Variants in ERC1 observed in about 807,000 individuals in gnomAD.
ERC1 encodes ELKS/RAB6-interacting/CAST family member 1.
Under a neutral mutation model 132.0 loss-of-function variants are expected in ERC1, and 56 were observed. That is an observed-to-expected ratio of 0.42 (90% confidence interval 0.34 to 0.53). The LOEUF (loss-of-function observed/expected upper bound fraction) is 0.53, where lower values mean the gene tolerates loss of function less well. Ranked by LOEUF, ERC1 falls within the 20% of genes least tolerant of loss-of-function variation. The pLI is 0.03. For synonymous variants in ERC1, 478 were observed against 476.1 expected, an observed-to-expected ratio of 1.00 and a Z score of -0.05; for missense variants, 1,202 against 1,349.9, an observed-to-expected ratio of 0.89 and a Z score of 1.72.
At chr12:1,250,599 A>G (rs1344715480) in intron 13 of ERC1, among the ~76,000 whole-genome samples, 1 of 152,202 alleles carries the variant, frequency 6.6e-6, no homozygotes, top group Non-Finnish European at 1.5e-5. Flanking sequence ...ATGATATTCC[A>G]TTCAGCATCC....
intron 15 of ERC1, among the ~76,000 whole-genome samples, chr12:1,311,187 A>G (rs1224560946): frequency 6.6e-6 from 1 of 152,248 alleles, no homozygotes; most frequent in Non-Finnish European, 1.5e-5. Context: ...CAGATACACC[A>G]GGGTTTGAAT....
rs533719801 is a variant in ERC1 at position 1,165,951 on chromosome 12, C to A, written c.1738-14589C>A. ...ACTCACACCTGCTGGCAATTACAAC[C>A]CCTCATCCTCTGACAACCAGTAACC... On this transcript the variant is annotated intron_variant, in intron 8 of 18. Transcript: ENST00000360905. Among the ~76,000 whole-genome samples the A allele has an allele frequency of 6.3e-4, 96 of 152,260 alleles. 1 individual carries two copies. The highest frequency in any genetic ancestry group is 2.1e-3 in the African/African-American group (89 of 41,560).
At chr12:1,037,906 T>G (rs1302124828) in intron 2 of ERC1, among the ~76,000 whole-genome samples, 1 of 151,800 alleles carries the variant, frequency 6.6e-6, no homozygotes, top group Admixed American at 6.6e-5. Context: ...TAGCTGGGCT[T>G]GGTGGCGGGC....
At chr12:1,339,855 G>T (rs1256176927) in intron 15 of ERC1, among the ~76,000 whole-genome samples, 2 of 152,162 alleles carry the variant, frequency 1.3e-5, no homozygotes, top group Admixed American at 1.3e-4. Flanking sequence ...CAAGGGCAGG[G>T]CTGGCTGGTT....
chr12:1,431,164 C>G (rs944901399), intron 17 of ERC1, among the ~76,000 whole-genome samples: 4 of 152,178 alleles, frequency 2.6e-5, no homozygotes, highest in African/African-American at 4.8e-5. Flanking sequence ...CGACTGAGAA[C>G]TTAGCTGCTG....
chr12:1,007,540 C>CTCTGTGTGTGTGTGTG (rs1555194875), intron 1 of ERC1, among the ~76,000 whole-genome samples: 375 of 122,780 alleles, frequency 3.1e-3, no homozygotes, highest in African/African-American at 9.1e-3. Context: ...CTCTCTCTCT[C>CTCTGTGTGTGTGTGTG]TGTGTGTGTG....
intron 14 of ERC1, among the ~76,000 whole-genome samples, chr12:1,269,402 A>G (rs903041543): frequency 6.6e-6 from 1 of 152,236 alleles, no homozygotes; most frequent in African/African-American, 2.4e-5. Context: ...AGCAGCAATC[A>G]TAATGGTAAT....
intron 16 of ERC1, among the ~76,000 whole-genome samples, chr12:1,404,653 T>C (rs1166192288): frequency 6.6e-6 from 1 of 152,128 alleles, no homozygotes; most frequent in Non-Finnish European, 1.5e-5. Context: ...TATTTTCTTT[T>C]TATTTTCAAC....
intron 14 of ERC1, among the ~76,000 whole-genome samples, chr12:1,266,729 A>G (rs1255230645): frequency 1.3e-5 from 2 of 151,984 alleles, no homozygotes; most frequent in African/African-American, 2.4e-5. Flanking sequence ...TTTTAGCTCT[A>G]CTATTAATTT....
chr12:1,369,058 TA>T (rs199807855), intron 15 of ERC1, among the ~76,000 whole-genome samples: 2 of 151,788 alleles, frequency 1.3e-5, no homozygotes, highest in East Asian at 1.9e-4. Context: ...CATTGCTTAG[TA>T]AAAAAAATAG....
At chr12:1,033,790 T>G (rs1968541042) in intron 2 of ERC1, among the ~76,000 whole-genome samples, 1 of 152,118 alleles carries the variant, frequency 6.6e-6, no homozygotes, top group Non-Finnish European at 1.5e-5. Context: ...CCACCACGCC[T>G]GGCTAATTTT....
At chr12:1,475,340 G>T (rs953482513) in intron 18 of ERC1, among the ~76,000 whole-genome samples, 6 of 152,160 alleles carry the variant, frequency 3.9e-5, no homozygotes, top group African/African-American at 1.4e-4. Flanking sequence ...TCTGCTACGT[G>T]CAGGCCTTTT....
intron 4 of ERC1, 89 bp downstream of exon 4, chr12:1,104,913 A>T: frequency 1.3e-6 from 1 of 765,786 alleles, no homozygotes; most frequent in South Asian, 1.6e-5. Flanking sequence ...AGGAAATGGC[A>T]TGTAATAGTA....
At chr12:1,362,167 A>T (rs1210658667) in intron 15 of ERC1, among the ~76,000 whole-genome samples, 1 of 152,182 alleles carries the variant, frequency 6.6e-6, no homozygotes, top group East Asian at 1.9e-4. Context: ...GATATTTAAC[A>T]CTAAGTGGCC....
Position 1,490,487 on chromosome 12 carries a change from A to G in ERC1, c.*257A>G. On this transcript the variant is annotated 3_prime_UTR_variant, in exon 19 of 19. Coordinates refer to ENST00000360905, the MANE Select transcript of ERC1 (RefSeq NM_178040.4). ...GGTCGAATCTCTCTGAAGAACTGCC[A>G]CCTGGTCATCAGCAGTGGAGAACTG... 2.3e-6 allele frequency: 1 copy of G among 428,116 alleles called. No individual in the cohort carries two copies. Among genetic ancestry groups the G allele is most frequent in the Non-Finnish European group, 4.3e-6 (1 of 234,344 alleles). The allele number at this position is 428,116 out of a possible 1,614,324, so 26.5% of individuals were successfully genotyped here.
chr12:1,083,192 A>T lies in ERC1; in HGVS notation c.698A>T (p.Gln233Leu). The T allele has an allele frequency of 6.2e-7, 1 of 1,613,874 alleles. No individual in the cohort carries two copies. The highest frequency in any genetic ancestry group is 8.5e-7 in the Non-Finnish European group (1 of 1,179,910). ...QHMQMTIQALQDELRIQRDLN... is the reference protein window; with the variant it reads ...QHMQMTIQALLDELRIQRDLN... ...ATGCAGATGACAATCCAGGCTCTCC[A>T]GGATGAATTGCGGATCCAGAGGGAC... The change falls in exon 3 of 19, where the codon CAG becomes CTG. Residue 233 changes from glutamine (Q) to leucine (L), a missense_variant. By Grantham distance (113) the Gln-to-Leu change is moderately radical. Coordinates refer to ENST00000360905, the MANE Select transcript of ERC1 (RefSeq NM_178040.4).
chr12:1,410,550 A>G (rs916808167), intron 17 of ERC1: 15 of 390,258 alleles, frequency 3.8e-5, no homozygotes, highest in Non-Finnish European at 6.0e-5. Flanking sequence ...TCTGTAATTC[A>G]TGAAATCCCT....
intron 12 of ERC1, among the ~76,000 whole-genome samples, chr12:1,196,414 T>A (rs1453685908): frequency 6.6e-6 from 1 of 152,132 alleles, no homozygotes; most frequent in Non-Finnish European, 1.5e-5. Context: ...TTTGTTTAGT[T>A]ATATTTGTTC....
chr12:1,418,129 A>G (rs1027088243), intron 17 of ERC1, among the ~76,000 whole-genome samples: 6 of 152,210 alleles, frequency 3.9e-5, no homozygotes, highest in African/African-American at 1.4e-4. Context: ...TGAAGGATAC[A>G]TAGCTAGAAG....
Sources: gnomAD v4.1 joint callset for allele counts (sites outside exome capture counted in the v4.1 genomes callset) on GRCh38, gnomAD v4.1.1 for gene constraint, MANE v1.5 for transcripts, NCBI Gene and HGNC (gene_info 2026-07-23, HGNC 2026-07-21) for gene names.